Variants in LARP1B observed in about 807,000 individuals in gnomAD.
LARP1B encodes La ribonucleoprotein 1B, also known as la-related protein 1B.
A neutral mutation model predicts 114.2 loss-of-function variants in LARP1B; 76 were observed. The ratio of observed to expected loss-of-function variants is 0.67; its 90% CI spans 0.55 to 0.81. The LOEUF is 0.81. LARP1B is among the 30% of genes least tolerant of loss of function. The pLI, the probability that LARP1B is intolerant of heterozygous loss-of-function variation, is 0.00. For synonymous variants in LARP1B, 345 were observed against 348.0 expected (o/e 0.99, Z 0.10); for missense variants, 1,014 against 1,075.8 (o/e 0.94, Z 0.80).
intron 11 of LARP1B, chr4:128,123,674 G>T: frequency 3.6e-6 from 3 of 840,282 alleles, no homozygotes; most frequent in Non-Finnish European, 4.3e-6. Context: ...CATGTTTGTG[G>T]GTAAATAAAT....
At chr4:128,134,229 G>A (rs1792529722) in intron 11 of LARP1B, among the ~76,000 whole-genome samples, 1 of 151,966 alleles carries the variant, frequency 6.6e-6, no homozygotes, top group South Asian at 2.1e-4. Context: ...TCAAACTCCT[G>A]GCCTTAAGCA....
intron 10 of LARP1B, among the ~76,000 whole-genome samples, chr4:128,121,133 G>A (rs1210657641): frequency 6.6e-6 from 1 of 152,132 alleles, no homozygotes; most frequent in African/African-American, 2.4e-5. Context: ...TTTAACATTT[G>A]CTGAATATTA....
In LARP1B at chr4:128,178,660, G is replaced by C; in HGVS notation, c.1896+18G>C. 6.4e-7 allele frequency: 1 copy of C among 1,563,464 alleles called. No individual in the cohort carries two copies. The highest frequency in any genetic ancestry group is 8.8e-7 in the Non-Finnish European group (1 of 1,135,308). ...ATGTAAAGGTATACAAAACAACCAG[G>C]AATATAAGGCTTGCATTTTGTATCC... On this transcript the variant is annotated intron_variant, in intron 14 of 19. Coordinates refer to ENST00000326639, the MANE Select transcript of LARP1B (RefSeq NM_018078.4).
chr4:128,211,738 T>C lies in LARP1B; in HGVS notation c.*1685T>C, dbSNP rs182158042. The C allele has an allele frequency of 1.0e-6, 1 of 975,378 alleles. No individual in the cohort carries two copies. The allele number at this position is 975,378 out of a possible 1,614,324, so 60.4% of individuals were successfully genotyped here. ...TCATAAATTTTTCTCAGTGTCCTTT[T>C]TGTGTTGAACACATATATCTGAAAC... On this transcript the variant is annotated 3_prime_UTR_variant, in exon 20 of 20. Transcript: ENST00000326639.
chr4:128,148,753 A>G (rs1194196664), intron 11 of LARP1B, among the ~76,000 whole-genome samples: 5 of 151,968 alleles, frequency 3.3e-5, no homozygotes, highest in Non-Finnish European at 5.9e-5. Context: ...CAGCCTCCTG[A>G]GTAGCTGGGA....
rs148847214 is a variant in LARP1B, at chr4:128,091,539, C to T, written c.668+27C>T. On this transcript the variant is annotated intron_variant, in intron 7 of 19. Coordinates refer to ENST00000326639, the MANE Select transcript of LARP1B (RefSeq NM_018078.4). ...TAAGTGGATGTTTGATGTAAGCAGACGGGATAGCAAAATCTGTTGCAATAT... is the reference window on the plus strand; with the variant it reads ...TAAGTGGATGTTTGATGTAAGCAGATGGGATAGCAAAATCTGTTGCAATAT... 5.9e-5 allele frequency: 91 copies of T among 1,540,464 alleles called. No homozygotes were observed. In the East Asian group the frequency reaches 1.2e-3, roughly 21 times the overall value.
Position 128,206,547 on chromosome 4 carries a change from A to G in LARP1B, c.2419+10A>G. The G allele has an allele frequency of 6.3e-7, 1 of 1,595,688 alleles. No individual in the cohort carries two copies. On this transcript the variant is annotated intron_variant, in intron 18 of 19. Transcript: ENST00000326639. Reference sequence around the variant, plus strand: ...AAAGACTACGAATCTGGTAACAATAACATCAGAAAACTTGTACTCTAATTG... The same window carrying G: ...AAAGACTACGAATCTGGTAACAATAGCATCAGAAAACTTGTACTCTAATTG...
intron 13 of LARP1B, 40 bp downstream of exon 13, chr4:128,176,947 C>A: frequency 6.4e-7 from 1 of 1,564,964 alleles, no homozygotes; most frequent in South Asian, 1.1e-5. Context: ...GCTATGATAT[C>A]CTTTGCATTG....
intron 8 of LARP1B, among the ~76,000 whole-genome samples, chr4:128,102,732 C>A (rs182048260): frequency 2.6e-5 from 4 of 152,260 alleles, no homozygotes; most frequent in Admixed American, 6.5e-5. Flanking sequence ...CTATAGCTTA[C>A]CAGTTGTATA....
At chr4:128,143,431 T>A (rs1045180549) in intron 11 of LARP1B, among the ~76,000 whole-genome samples, 7 of 152,234 alleles carry the variant, frequency 4.6e-5, no homozygotes, top group Admixed American at 2.0e-4. Context: ...GAGTGTCTGC[T>A]GTGTACCAAA....
At chr4:128,183,356 A>G (rs540813561) in intron 15 of LARP1B, among the ~76,000 whole-genome samples, 2 of 152,324 alleles carry the variant, frequency 1.3e-5, no homozygotes, top group African/African-American at 2.4e-5. Context: ...GTTGAAGGCA[A>G]TGCCAGGGCT....
intron 4 of LARP1B, among the ~76,000 whole-genome samples, chr4:128,080,937 A>G (rs1770093687): frequency 6.6e-6 from 1 of 152,160 alleles, no homozygotes; most frequent in Non-Finnish European, 1.5e-5. Context: ...TGCAAACCTA[A>G]AGCCTAACTT....
chr4:128,103,260 T>A (rs1220274879), intron 8 of LARP1B, among the ~76,000 whole-genome samples: 1 of 152,176 alleles, frequency 6.6e-6, no homozygotes, highest in African/African-American at 2.4e-5. Flanking sequence ...GAGTGATGAA[T>A]GTTTCACTTT....
chr4:128,090,247 A>G (rs1775408038), intron 5 of LARP1B, among the ~76,000 whole-genome samples: 1 of 151,714 alleles, frequency 6.6e-6, no homozygotes, highest in Non-Finnish European at 1.5e-5. Context: ...TAATTTTTGT[A>G]TTTTTAGTAG....
chr4:128,144,524 G>GTT, intron 11 of LARP1B, among the ~76,000 whole-genome samples: 1 of 150,994 alleles, frequency 6.6e-6, no homozygotes, highest in Non-Finnish European at 1.5e-5. Context: ...TTTTTGTTTT[G>GTT]TTTTTTTGAG....
chr4:128,105,866 G>A (rs1442069650), intron 8 of LARP1B, among the ~76,000 whole-genome samples: 2 of 152,054 alleles, frequency 1.3e-5, no homozygotes, highest in Non-Finnish European at 2.9e-5. Context: ...ACTGTAGCCT[G>A]GGTGACAGAG....
At chr4:128,150,810 C>T (rs573546932) in intron 11 of LARP1B, among the ~76,000 whole-genome samples, 4 of 152,274 alleles carry the variant, frequency 2.6e-5, no homozygotes, top group African/African-American at 9.6e-5. Flanking sequence ...TACCATCAGA[C>T]TGTAATTCAC....
intron 11 of LARP1B, chr4:128,155,721 G>A (rs1026066037): frequency 3.7e-5 from 59 of 1,607,894 alleles, no homozygotes; most frequent in African/African-American, 1.5e-4. Context: ...GCCGAGTAAG[G>A]CCCGAGCGGA....
At chr4:128,172,125 G>T (rs4383632) in intron 12 of LARP1B, among the ~76,000 whole-genome samples, 62,162 of 151,664 alleles carry the variant, frequency 0.41, 13,857 homozygotes, top group African/African-American at 0.58. Flanking sequence ...TTGTCTCACA[G>T]GTTCTTAAGG....
Sources: allele counts gnomAD v4.1 joint callset (sites outside exome capture counted in the v4.1 genomes callset), GRCh38; gene constraint gnomAD v4.1.1; transcripts MANE v1.5; gene names NCBI Gene and HGNC (gene_info 2026-07-23, HGNC 2026-07-21).